The following NOTCH3 variants were observed in gnomAD, a reference collection of about 807,000 sequenced individuals.
NOTCH3 encodes the protein notch receptor 3.
In NOTCH3, 86 loss-of-function variants were observed where a neutral mutation model predicts 213.3. The ratio of observed to expected loss-of-function variants is 0.40; its 90% CI spans 0.34 to 0.48. The LOEUF (loss-of-function observed/expected upper bound fraction) is 0.48. NOTCH3 is among the 20% of genes least tolerant of loss of function. NOTCH3 has a pLI of 0.57. For missense variants in NOTCH3, 2,783 were observed against 3,272.6 expected, an observed-to-expected ratio of 0.85 and a Z score of 3.65; for synonymous variants, 1,354 against 1,355.9, an observed-to-expected ratio of 1.00 and a Z score of 0.03.
chr19:15,168,966 T>C (rs555583778), intron 28 of NOTCH3, among the ~76,000 whole-genome samples: 1 of 152,142 alleles, frequency 6.6e-6, no homozygotes, highest in African/African-American at 2.4e-5. Context: ...CAGGCTGGAG[T>C]GAAGTGATGC....
chr19:15,199,615 G>A (rs1424402010), intron 1 of NOTCH3, among the ~76,000 whole-genome samples: 1 of 152,232 alleles, frequency 6.6e-6, no homozygotes, highest in African/African-American at 2.4e-5. Flanking sequence ...AGGTGTGCAA[G>A]TCTGCGAGTG....
chr19:15,178,172 GA>G, intron 23 of NOTCH3, 82 bp from the exon 24 acceptor site: 1 of 852,564 alleles, frequency 1.2e-6, no homozygotes, highest in Non-Finnish European at 1.8e-6. Context: ...GAGGAGTGGG[GA>G]AAAGAAGAGT....
At chr19:15,173,104 C>CTT (rs1162467192) in intron 25 of NOTCH3, among the ~76,000 whole-genome samples, 4 of 19,244 alleles carry the variant, frequency 2.1e-4, no homozygotes, top group Non-Finnish European at 1.6e-4. Flanking sequence ...TCTTCTTCTT[C>CTT]TTTTTTTTTT....
intron 25 of NOTCH3, among the ~76,000 whole-genome samples, chr19:15,171,314 C>A (rs1477140808): frequency 3.9e-5 from 6 of 151,982 alleles, no homozygotes; most frequent in African/African-American, 1.5e-4. Context: ...CAGGCGTGAG[C>A]CGCCACTGTG....
chr19:15,181,500 T>A, intron 17 of NOTCH3, 76 bp downstream of exon 17: 2 of 1,246,774 alleles, frequency 1.6e-6, no homozygotes, highest in Non-Finnish European at 1.1e-6. Flanking sequence ...AAGTCGTTGC[T>A]GTCCCCACTT....
chr19:15,189,509 C>CGTT, intron 6 of NOTCH3, 81 bp from the exon 7 acceptor site: 2 of 1,534,752 alleles, frequency 1.3e-6, no homozygotes, highest in Non-Finnish European at 1.8e-6. Flanking sequence ...ATTGTTTTGT[C>CGTT]GTTGTTGTTG....
Position 15,165,419 on chromosome 19 carries a change from C to A in NOTCH3, c.5764G>T (p.Val1922Leu), listed in dbSNP as rs114813086. 1.4e-5 allele frequency: 23 copies of A among 1,611,530 alleles called. No homozygotes were observed. In the East Asian group the frequency reaches 4.7e-4, roughly 33 times the overall value. The change falls in exon 31 of 33, where the codon GTG (valine) becomes TTG (leucine). Residue 1922 changes from valine (V) to leucine (L), a missense_variant. Val to Leu is a conservative substitution (Grantham distance 32). This residue lies in a region of NOTCH3 where 636 missense variants were observed against 801.8 expected (regional missense o/e 0.79). Coordinates refer to ENST00000263388, the MANE Select transcript of NOTCH3 (RefSeq NM_000435.3). The surrounding 1 kb of genome is among the most constrained non-coding windows in gnomAD (Gnocchi z 4.7). ...GCATGGCTGGCGATGAGCTCTTCCA[C>A]CATGCCCTCTACTGCCAGGCGGGCC... ...LAARLAVEGM[V>L]EELIASHADV...
At position 15,191,545 on chromosome 19, in the gene NOTCH3, G is replaced by C. The variant is rs1568361436; in HGVS notation, c.915C>G (p.Gly305=). 6.2e-7 allele frequency: 1 copy of C among 1,613,580 alleles called. No individual in the cohort carries two copies. Among genetic ancestry groups the C allele is most frequent in the African/African-American group, 1.3e-5 (1 of 75,058 alleles). ...TCTGACTGCAGCTCTCGCCTGTCCA[G>C]CCATTGACACACACGCAGCTGTGGC... ...LGGHSCVCVN[G]WTGESCSQNI... Residue 305 remains glycine (G), a synonymous_variant, in exon 6 of 33, where the codon GGC becomes GGG. Coordinates refer to ENST00000263388, the MANE Select transcript of NOTCH3 (RefSeq NM_000435.3).
At position 15,179,520 on chromosome 19, in the gene NOTCH3, C is replaced by A. The variant is rs747580558; in HGVS notation, c.3328-24G>T. On this transcript the variant is annotated intron_variant, in intron 20 of 32. Coordinates refer to ENST00000263388, the MANE Select transcript of NOTCH3 (RefSeq NM_000435.3). ...CACTTCAGTGGGGTAAGAGAGGGAC[C>A]CACTCAGCTTAGTGGGACACAGACC... 11 of 1,613,082 alleles carry A rather than the reference C, an allele frequency of 6.8e-6. 1 individual carries two copies. The highest frequency in any genetic ancestry group is 3.3e-4 in the Middle Eastern group (2 of 6,062).
chr19:15,187,423 T>G, intron 10 of NOTCH3, 85 bp from the exon 11 acceptor site: 25 of 1,199,758 alleles, frequency 2.1e-5, no homozygotes, highest in Non-Finnish European at 2.6e-5. Flanking sequence ...GGTTCAGCTC[T>G]ATCTGAGGCC....
chr19:15,170,342 C>T lies in NOTCH3; in HGVS notation c.5103G>A (p.Ala1701=), dbSNP rs771045579. 6 of 1,612,854 alleles carry T rather than the reference C, an allele frequency of 3.7e-6. No homozygotes were observed. The highest frequency in any genetic ancestry group is 1.1e-5 in the South Asian group (1 of 91,088). ...AGCAGGGTTCTCACTTCATGCCCAGCGCGTCCTGGCCCACGGGTTCCCGCC... is the reference window on the plus strand; with the variant it reads ...AGCAGGGTTCTCACTTCATGCCCAGTGCGTCCTGGCCCACGGGTTCCCGCC... The part of the protein sequence containing the change: ...KGRREPVGQD[A]LGMKNMAKGE... Residue 1701 remains alanine (A), a synonymous_variant, in exon 27 of 33, where the codon GCG becomes GCA. Coordinates refer to ENST00000263388, the MANE Select transcript of NOTCH3 (RefSeq NM_000435.3).
At chr19:15,170,640 C>T (rs1353583021) in intron 26 of NOTCH3, 31 bp downstream of exon 26, 29 of 1,547,206 alleles carry the variant, frequency 1.9e-5, no homozygotes, top group Non-Finnish European at 2.5e-5. Flanking sequence ...AGCTCCGCCC[C>T]CGCCACCCCC....
In NOTCH3 at chr19:15,167,299, G is replaced by A; in HGVS notation, c.5312C>T (p.Pro1771Leu). Residue 1771 changes from proline to leucine, a missense_variant, in exon 29 of 33, where the codon CCA becomes CTA. Pro to Leu is a moderately conservative substitution (Grantham distance 98). Around this residue, in one of 6 missense-constraint regions of NOTCH3, gnomAD observed 636 missense variants for 801.8 expected, o/e 0.79. Transcript: ENST00000263388. ...GCCATCAGCATCTGCGTCGCCCTGT[G>A]GTGGTGTCAGTGCCATGGCTGGTGC... ...RVAPAMALTPPQGDADADGMD... is the reference protein window; with the variant it reads ...RVAPAMALTPLQGDADADGMD... The A allele has an allele frequency of 6.2e-7, 1 of 1,613,692 alleles. No homozygotes were observed. The highest frequency in any genetic ancestry group is 8.5e-7 in the Non-Finnish European group (1 of 1,179,996).
rs769277680 is a variant in NOTCH3, at chr19:15,160,795, C to T, written c.6833G>A (p.Gly2278Glu). 1.2e-5 allele frequency: 20 copies of T among 1,613,614 alleles called. No individual in the cohort carries two copies. Among genetic ancestry groups the T allele is most frequent in the Non-Finnish European group, 1.5e-5 (18 of 1,179,690 alleles). ...ESTPSPATAT[G>E]AMATTTGALP... ...TGCCCCAGTGGTGGTGGCCATGGCC[C>T]CAGTGGCAGTGGCTGGGCTAGGCGT... The change falls in exon 33 of 33, where the codon GGG (glycine) becomes GAG (glutamate). Residue 2278 changes from glycine (G) to glutamate (E), a missense_variant. Gly to Glu is a moderately conservative substitution (Grantham distance 98). This residue lies in a region of NOTCH3 where 441 missense variants were observed against 432.1 expected (regional missense o/e 1.02). Coordinates refer to ENST00000263388, the MANE Select transcript of NOTCH3 (RefSeq NM_000435.3).
intron 23 of NOTCH3, chr19:15,178,463 C>A (rs1568354441): frequency 9.0e-6 from 4 of 446,218 alleles, no homozygotes; most frequent in South Asian, 8.7e-5. Flanking sequence ...TGGCTCACTG[C>A]AACCTCCGCC....
At chr19:15,197,437 A>C in intron 2 of NOTCH3, 63 bp downstream of exon 2, 21 of 1,038,116 alleles carry the variant, frequency 2.0e-5, no homozygotes, top group Middle Eastern at 2.4e-4. Context: ...GGAGAAGACA[A>C]ATCGCCCCTC....
intron 16 of NOTCH3, among the ~76,000 whole-genome samples, chr19:15,182,478 G>C (rs1189388908): frequency 1.3e-5 from 2 of 149,406 alleles, no homozygotes; most frequent in African/African-American, 4.9e-5. Flanking sequence ...CTGCACTCCA[G>C]TCTGGGCGAC....
At position 15,197,861 on chromosome 19, in the gene NOTCH3, G is replaced by A. The variant is rs564299237; in HGVS notation, c.119-283C>T. Among the ~76,000 whole-genome samples, 73 of 152,202 alleles carry A rather than the reference G, an allele frequency of 4.8e-4. 2 individuals are homozygous for A. In the South Asian group the frequency reaches 0.014, roughly 30 times the overall value. ...TGTCTTATGCCAGATGTGGGGGCTC[G>A]GGAAGCTGCCAGAGCTAAGATGTGC... On this transcript the variant is annotated intron_variant, in intron 1 of 32. Coordinates refer to ENST00000263388, the MANE Select transcript of NOTCH3 (RefSeq NM_000435.3).
At position 15,165,280 on chromosome 19, in the gene NOTCH3, T is replaced by C. The variant is rs2046676173; in HGVS notation, c.5815+88A>G. ...GTGCGTGAGCTTCAGTGATTGGGTC[T>C]CAACATGGGTATGAATTTGCACCAA... On this transcript the variant is annotated intron_variant, in intron 31 of 32. Coordinates refer to ENST00000263388, the MANE Select transcript of NOTCH3 (RefSeq NM_000435.3). This position sits in a 1 kb window ranked among gnomAD's most constrained non-coding sequence, Gnocchi z 4.7. The C allele has an allele frequency of 1.4e-6, 2 of 1,400,094 alleles. No homozygotes were observed. The allele number at this position is 1,400,094 out of a possible 1,614,324, so 86.7% of individuals were successfully genotyped here. A position where few individuals can be genotyped will look rare whatever the true frequency, so the allele number is the denominator to read the frequency against.
Sources: gnomAD v4.1 joint callset for allele counts (sites outside exome capture counted in the v4.1 genomes callset) on GRCh38, gnomAD v4.1.1 for gene constraint, gnomAD v4.1.1 regional missense constraint, Gnocchi (gnomAD v3.1) non-coding constraint, MANE v1.5 for transcripts, NCBI Gene and HGNC (gene_info 2026-07-23, HGNC 2026-07-21) for gene names.